The following RAPSN variants were observed in gnomAD, a reference collection of about 807,000 sequenced individuals.
RAPSN encodes 43 kDa receptor-associated protein of the synapse.
RAPSN carries 33 observed loss-of-function variants against 45.7 expected under a neutral mutation model. That is an observed-to-expected ratio of 0.72 (90% CI 0.55 to 0.97). The LOEUF (loss-of-function observed/expected upper bound fraction) is 0.97. RAPSN is among the 50% of genes least tolerant of loss of function. The probability of loss-of-function intolerance (pLI) is 0.00; values close to 1 mark genes in which losing one functional copy is unlikely to be tolerated. For missense variants in RAPSN, 519 were observed against 559.4 expected, an observed-to-expected ratio of 0.93 and a Z score of 0.73; for synonymous variants, 244 against 233.6, an observed-to-expected ratio of 1.04 and a Z score of -0.40.
At chr11:47,441,463 G>C in intron 5 of RAPSN, 148 bp downstream of exon 5, 1 of 1,436,584 alleles carries the variant, frequency 7.0e-7, no homozygotes, top group Non-Finnish European at 9.4e-7. Context: ...CCTTCTCTGA[G>C]CCTGGAAAAT....
chr11:47,439,413 G>T (rs182335544), intron 6 of RAPSN, among the ~76,000 whole-genome samples: 5 of 152,304 alleles, frequency 3.3e-5, no homozygotes, highest in African/African-American at 1.2e-4. Flanking sequence ...GGCGGAGGTT[G>T]CAGTAAGCCG....
At chr11:47,438,594 G>A (rs534596612) in intron 7 of RAPSN, 138 bp downstream of exon 7, 9 of 1,063,330 alleles carry the variant, frequency 8.5e-6, no homozygotes, top group East Asian at 2.6e-5. Flanking sequence ...AAGTGCTTGC[G>A]AGACAGACGT....
chr11:47,448,895 T>A lies in RAPSN; in HGVS notation c.70A>T (p.Lys24Ter). 1 of 1,614,180 alleles carries A rather than the reference T, an allele frequency of 6.2e-7. No homozygotes were observed. Among genetic ancestry groups the A allele is most frequent in the Non-Finnish European group, 8.5e-7 (1 of 1,180,014 alleles). Residue 24 changes from lysine to a stop codon, truncating the protein, a stop_gained, in exon 1 of 8, where the codon AAG becomes TAG. Transcript: ENST00000298854. LOFTEE classifies it high-confidence loss of function. ...ACCTTTGTCCACACCTGCAATGCCT[T>A]CTCTGTCTGGTTGGACTGGTACAGC... ...LQLYQSNQTE[K>*]ALQVWTKVLE...
In RAPSN at chr11:47,447,925, G is replaced by A. The variant is rs2153311231; in HGVS notation, c.418C>T (p.Gln140Ter). ...TTCTCGAAGCTCTCCAGGGCCTTCT[G>A]GAAGACGCTGAGGCCCAGGAAGGCA... ...GNAFLGLSVF[Q>*]KALESFEKAL... The change falls in exon 2 of 8, where the codon CAG becomes TAG. Residue 140 changes from glutamine to a stop codon, truncating the protein, a stop_gained. Coordinates refer to ENST00000298854, the MANE Select transcript of RAPSN (RefSeq NM_005055.5). LOFTEE classifies it high-confidence loss of function. 4 of 1,613,472 alleles carry A rather than the reference G, an allele frequency of 2.5e-6. No individual in the cohort carries two copies. In the South Asian group the frequency reaches 4.4e-5, roughly 18 times the overall value.
intron 1 of RAPSN, 83 bp downstream of exon 1, chr11:47,448,690 G>A: frequency 6.4e-7 from 1 of 1,557,816 alleles, no homozygotes; most frequent in Non-Finnish European, 8.7e-7. Flanking sequence ...GGGAGCCCGA[G>A]GAGGCCGAGA....
intron 6 of RAPSN, among the ~76,000 whole-genome samples, chr11:47,440,854 G>A (rs368306772): frequency 2.1e-4 from 32 of 151,966 alleles, no homozygotes; most frequent in African/African-American, 7.5e-4. Context: ...CTCCTACCTC[G>A]GCCTCCCAAA....
chr11:47,438,684 C>T lies in RAPSN; in HGVS notation c.1166+48G>A, dbSNP rs1373035669. 5 of 1,548,952 alleles carry T rather than the reference C, an allele frequency of 3.2e-6. No individual in the cohort carries two copies. The East Asian group carries it at 7.3e-5, about 23-fold the overall frequency. ...TTAAGCCAGCTGGGCCCTAGAGTGC[C>T]CCGAAGAGATCCTGCCCACCCCTGT... On this transcript the variant is annotated intron_variant, in intron 7 of 7. Transcript: ENST00000298854.
At chr11:47,441,106 G>T in intron 6 of RAPSN, 53 bp downstream of exon 6, 1 of 1,609,856 alleles carries the variant, frequency 6.2e-7, no homozygotes. Flanking sequence ...CCAGACCCAA[G>T]TTCCCCACTT....
intron 7 of RAPSN, 114 bp from the exon 8 acceptor site, chr11:47,438,161 C>G: frequency 8.0e-7 from 1 of 1,251,438 alleles, no homozygotes; most frequent in South Asian, 1.3e-5. Context: ...GGTGGCTGTT[C>G]AGCAGCAGTG....
chr11:47,438,241 G>A (rs2076329635), intron 7 of RAPSN, among the ~76,000 whole-genome samples, 194 bp from the exon 8 acceptor site: 2 of 152,160 alleles, frequency 1.3e-5, no homozygotes, highest in African/African-American at 4.8e-5. Flanking sequence ...CTGCCCCAGG[G>A]ACCTCCAGGG....
Position 47,448,903 on chromosome 11 carries a change from T to C in RAPSN, c.62A>G (p.Gln21Arg), listed in dbSNP as rs780896581. Residue 21 changes from glutamine to arginine, a missense_variant, in exon 1 of 8, where the codon CAG becomes CGG. Physicochemically the swap from Gln to Arg is conservative, Grantham distance 43. Coordinates refer to ENST00000298854, the MANE Select transcript of RAPSN (RefSeq NM_005055.5). ...CCACACCTGCAATGCCTTCTCTGTC[T>C]GGTTGGACTGGTACAGCTGGAGCCC... is the stretch of plus-strand genomic sequence containing the variant. The part of the protein sequence containing the change: ...EKGLQLYQSN[Q>R]TEKALQVWTK... 14 of 1,614,126 alleles carry C rather than the reference T, an allele frequency of 8.7e-6. No individual in the cohort carries two copies. The highest frequency in any genetic ancestry group is 1.2e-5 in the Non-Finnish European group (14 of 1,180,052).
chr11:47,445,153 C>A (rs574020161), intron 2 of RAPSN, among the ~76,000 whole-genome samples: 1 of 151,112 alleles, frequency 6.6e-6, no homozygotes, highest in East Asian at 2.0e-4. Flanking sequence ...ATGGCGTGAA[C>A]CCGGGAGGCG....
intron 3 of RAPSN, 117 bp from the exon 4 acceptor site, chr11:47,442,038 T>A: frequency 1.9e-6 from 2 of 1,060,652 alleles, no homozygotes; most frequent in Non-Finnish European, 2.8e-6. Flanking sequence ...CAGAGCCTAG[T>A]GAATCTATCA....
intron 2 of RAPSN, among the ~76,000 whole-genome samples, chr11:47,443,751 A>T (rs2076382639): frequency 6.6e-6 from 1 of 151,786 alleles, no homozygotes; most frequent in Admixed American, 6.6e-5. Context: ...TGGGCAACTT[A>T]GTGAGACCCT....
At chr11:47,446,974 G>A (rs1438242677) in intron 2 of RAPSN, among the ~76,000 whole-genome samples, 1 of 152,026 alleles carries the variant, frequency 6.6e-6, no homozygotes, top group Non-Finnish European at 1.5e-5. Flanking sequence ...TTCACAGTTG[G>A]CCCTCCTCCT....
rs780882080 is a variant in RAPSN, at chr11:47,441,807, A to ATCCCGGTGACCTCACC, written c.789_789+15dup. 1.1e-4 allele frequency: 153 copies of ATCCCGGTGACCTCACC among 1,369,812 alleles called. No homozygotes were observed. In the African/African-American group the frequency reaches 2.4e-3, roughly 22 times the overall value. The allele number at this position is 1,369,812 out of a possible 1,614,324, so 84.9% of individuals were successfully genotyped here. On this transcript the variant is annotated intron_variant, in intron 4 of 7. Transcript: ENST00000298854. Reference sequence around the variant, plus strand: ...CCTGCCCCCTGCCCCCAGCCCCTGCATCCCGGTGACCTCACCTCCAGGTCC... The same window carrying ATCCCGGTGACCTCACC: ...CCTGCCCCCTGCCCCCAGCCCCTGCATCCCGGTGACCTCACCTCCCGGTGACCTCACCTCCAGGTCC...
At chr11:47,443,241 C>T (rs1453828134) in intron 2 of RAPSN, among the ~76,000 whole-genome samples, 1 of 152,174 alleles carries the variant, frequency 6.6e-6, no homozygotes, top group Non-Finnish European at 1.5e-5. Context: ...AGCAGGTGTT[C>T]ACTGAAGCTC....
At chr11:47,441,579 G>A (rs766944552) in intron 5 of RAPSN, 32 bp downstream of exon 5, 1 of 1,600,988 alleles carries the variant, frequency 6.2e-7, no homozygotes, top group South Asian at 1.1e-5. Context: ...GTGCTGGGAG[G>A]GCTGGAGGCT....
Position 47,447,939 on chromosome 11 carries a change from C to A in RAPSN, c.404G>T (p.Gly135Val). ...CAGGGCCTTCTGGAAGACGCTGAGG[C>A]CCAGGAAGGCATTGCCCATGCTCAG... ...VSLSMGNAFLGLSVFQKALES... is the reference protein window; with the variant it reads ...VSLSMGNAFLVLSVFQKALES... Residue 135 changes from glycine to valine, a missense_variant, in exon 2 of 8, where the codon GGC becomes GTC. Physicochemically the swap from Gly to Val is moderately radical, Grantham distance 109. Coordinates refer to ENST00000298854, the MANE Select transcript of RAPSN (RefSeq NM_005055.5). The A allele has an allele frequency of 6.2e-7, 1 of 1,613,568 alleles. No homozygotes were observed.
Sources: gnomAD v4.1 joint callset for allele counts (sites outside exome capture counted in the v4.1 genomes callset) on GRCh38, gnomAD v4.1.1 for gene constraint, MANE v1.5 for transcripts, NCBI Gene and HGNC (gene_info 2026-07-23, HGNC 2026-07-21) for gene names.